B3GALT1: variants seen among roughly 807,000 people sequenced by gnomAD.
B3GALT1 encodes the protein UDP-Gal:betaGlcNAc beta 1,3-galactosyltransferase, polypeptide 1.
In B3GALT1, 10 loss-of-function variants were observed where a neutral mutation model predicts 23.2. The ratio of observed to expected loss-of-function variants is 0.43; its 90% CI spans 0.27 to 0.73. The LOEUF (loss-of-function observed/expected upper bound fraction) is 0.73, where lower values mean the gene tolerates loss of function less well. Ranked by LOEUF, B3GALT1 falls within the 30% of genes least tolerant of loss-of-function variation. The pLI is 0.21. For missense variants in B3GALT1, 299 were observed against 405.4 expected (o/e 0.74, Z 2.25); for synonymous variants, 156 against 141.5 (o/e 1.10, Z -0.73).
At chr2:167,372,278 A>G (rs1455015565) in intron 1 of B3GALT1, among the ~76,000 whole-genome samples, 2 of 152,126 alleles carry the variant, frequency 1.3e-5, no homozygotes, top group Non-Finnish European at 2.9e-5. Context: ...GCAATTGACC[A>G]AATCCAACAC....
At position 167,870,640 on chromosome 2, in the gene B3GALT1, G is replaced by C. The variant is rs958361177; in HGVS notation, c.*620G>C. ...AGACAACTCTGCTTGCTCATCCAAG[G>C]ATTAAATCTGGTCAGCAGGTGGAAT... On this transcript the variant is annotated 3_prime_UTR_variant, in exon 5 of 5. Transcript: ENST00000392690. 6.0e-6 allele frequency: 1 copy of C among 167,020 alleles called. No homozygotes were observed. The highest frequency in any genetic ancestry group is 1.5e-5 in the Non-Finnish European group (1 of 68,098). 10.3% of individuals were successfully genotyped at this position (167,020 alleles called of 1,614,324 possible).
At chr2:167,454,988 A>G (rs1699146942) in intron 1 of B3GALT1, among the ~76,000 whole-genome samples, 1 of 152,228 alleles carries the variant, frequency 6.6e-6, no homozygotes, top group Non-Finnish European at 1.5e-5. Context: ...CAGTAAGCCC[A>G]GGGACACTCT....
chr2:167,403,269 G>A lies in B3GALT1; in HGVS notation c.-510-86908G>A, dbSNP rs540078523. On this transcript the variant is annotated intron_variant, in intron 1 of 4. Coordinates refer to ENST00000392690, the MANE Select transcript of B3GALT1 (RefSeq NM_020981.4). ...TTCCCACCTGTGAGTGAGAACTTGC[G>A]GTGTTTGGTTTTTTGTCCTTGCAAT... Among the ~76,000 whole-genome samples, 29 of 19,700 alleles carry A rather than the reference G, an allele frequency of 1.5e-3. 1 individual carries two copies. The highest frequency in any genetic ancestry group is 0.012 in the Admixed American group (16 of 1,318). 12.9% of individuals were successfully genotyped at this position (19,700 alleles called of 152,430 possible).
At position 167,344,624 on chromosome 2, in the gene B3GALT1, A is replaced by C. The variant is rs16853465; in HGVS notation, c.-511+51290A>C. Among the ~76,000 whole-genome samples, 575 of 152,326 alleles carry C rather than the reference A, an allele frequency of 3.8e-3. 5 individuals are homozygous for C. The highest frequency in any genetic ancestry group is 0.013 in the African/African-American group (522 of 41,578). On this transcript the variant is annotated intron_variant, in intron 1 of 4. Transcript: ENST00000392690. ...ATTTTTCAAATAGGCCCTGATATTA[A>C]GTGAAAGAAGACTTTTGTGTCAAGG...
chr2:167,458,629 G>A (rs571960427), intron 1 of B3GALT1, among the ~76,000 whole-genome samples: 8 of 152,232 alleles, frequency 5.3e-5, no homozygotes, highest in African/African-American at 1.7e-4. Context: ...ATTTTCTGTG[G>A]TTTTGATAGT....
intron 3 of B3GALT1, among the ~76,000 whole-genome samples, chr2:167,694,109 G>C (rs1373784361): frequency 6.6e-6 from 1 of 151,978 alleles, no homozygotes; most frequent in East Asian, 1.9e-4. Context: ...ATTCATGAGG[G>C]CTTTACCCTC....
intron 2 of B3GALT1, among the ~76,000 whole-genome samples, chr2:167,596,857 A>G (rs1010692600): frequency 3.3e-5 from 5 of 152,232 alleles, no homozygotes; most frequent in African/African-American, 1.2e-4. Context: ...CAGAGTGTGA[A>G]TTAAATGGCA....
intron 1 of B3GALT1, among the ~76,000 whole-genome samples, chr2:167,471,393 A>C (rs1699416571): frequency 6.6e-6 from 1 of 152,182 alleles, no homozygotes. Context: ...TCTATATACC[A>C]AACCCCATCT....
intron 3 of B3GALT1, among the ~76,000 whole-genome samples, chr2:167,723,751 G>A (rs924948053): frequency 6.6e-5 from 10 of 151,988 alleles, no homozygotes; most frequent in African/African-American, 1.9e-4. Context: ...GGCTGGTCTC[G>A]AACTCCTGAC....
intron 2 of B3GALT1, among the ~76,000 whole-genome samples, chr2:167,568,825 T>C (rs1309527588): frequency 6.6e-6 from 1 of 151,958 alleles, no homozygotes; most frequent in East Asian, 1.9e-4. Flanking sequence ...CAAGATTTTC[T>C]TTCTCCTGTG....
chr2:167,732,548 G>T (rs1346109907), intron 3 of B3GALT1, among the ~76,000 whole-genome samples: 1 of 152,210 alleles, frequency 6.6e-6, no homozygotes, highest in Non-Finnish European at 1.5e-5. Flanking sequence ...GACGGAAACT[G>T]CTGCAGAACA....
intron 3 of B3GALT1, among the ~76,000 whole-genome samples, chr2:167,682,540 T>C (rs1240342374): frequency 3.3e-5 from 5 of 152,240 alleles, no homozygotes; most frequent in Admixed American, 2.0e-4. Context: ...TGCAGCAGAT[T>C]CTCAAACTTG....
At chr2:167,538,111 C>T (rs1487135273) in intron 2 of B3GALT1, among the ~76,000 whole-genome samples, 1 of 152,138 alleles carries the variant, frequency 6.6e-6, no homozygotes, top group Non-Finnish European at 1.5e-5. Context: ...GCATGAGCCA[C>T]CGTGCTTGGC....
At chr2:167,831,459 G>C (rs1009945386) in intron 4 of B3GALT1, among the ~76,000 whole-genome samples, 1 of 152,156 alleles carries the variant, frequency 6.6e-6, no homozygotes, top group Non-Finnish European at 1.5e-5. Flanking sequence ...AAAACCACCT[G>C]GGTTCTTTCA....
chr2:167,601,012 CAG>C (rs1684867505), intron 2 of B3GALT1, among the ~76,000 whole-genome samples: 2 of 152,116 alleles, frequency 1.3e-5, no homozygotes, highest in Admixed American at 6.6e-5. Flanking sequence ...ATTATACCGT[CAG>C]AGTGTTGTCT....
intron 1 of B3GALT1, among the ~76,000 whole-genome samples, chr2:167,456,694 T>C (rs927000179): frequency 6.6e-6 from 1 of 152,080 alleles, no homozygotes; most frequent in African/African-American, 2.4e-5. Context: ...ACTTTACTTA[T>C]GATTACCAGT....
chr2:167,344,453 GAATTA>G lies in B3GALT1; in HGVS notation c.-511+51127_-511+51131del, dbSNP rs200572786. Among the ~76,000 whole-genome samples the G allele has an allele frequency of 5.4e-3, 819 of 152,018 alleles. 7 individuals carry two copies. Among genetic ancestry groups the G allele is most frequent in the African/African-American group, 0.018 (744 of 41,466 alleles). ...CTTCTTATGGTAATCAAACACTCTG[GAATTA>G]AATTAAACTTGACACTTTGGGTAGA... is the stretch of plus-strand genomic sequence containing the variant. On this transcript the variant is annotated intron_variant, in intron 1 of 4. Transcript: ENST00000392690.
At chr2:167,703,338 G>C (rs967057383) in intron 3 of B3GALT1, among the ~76,000 whole-genome samples, 1 of 152,166 alleles carries the variant, frequency 6.6e-6, no homozygotes, top group East Asian at 1.9e-4. Context: ...TGCCTAGAAG[G>C]TATGCAAGTG....
In B3GALT1 at chr2:167,606,951, G is replaced by A. The variant is rs377624327; in HGVS notation, c.-409-39958G>A. Among the ~76,000 whole-genome samples, 3 of 152,270 alleles carry A rather than the reference G, an allele frequency of 2.0e-5. No individual in the cohort carries two copies. In the South Asian group the frequency reaches 6.2e-4, roughly 32 times the overall value. ...GAAGAGTCTCAGTTTGTAGCATTTA[G>A]GGGGACGGATTCTACATGAAGGCAT... On this transcript the variant is annotated intron_variant, in intron 2 of 4. Coordinates refer to ENST00000392690, the MANE Select transcript of B3GALT1 (RefSeq NM_020981.4).
Sources: gnomAD v4.1 joint callset for allele counts (sites outside exome capture counted in the v4.1 genomes callset) on GRCh38, gnomAD v4.1.1 for gene constraint, MANE v1.5 for transcripts, NCBI Gene and HGNC (gene_info 2026-07-23, HGNC 2026-07-21) for gene names.